Variants in CNNM2 observed in about 807,000 individuals in gnomAD.
CNNM2 encodes the protein cyclin and CBS domain divalent metal cation transport mediator 2.
In CNNM2, 12 loss-of-function variants were observed where a neutral mutation model predicts 66.9. The ratio of observed to expected loss-of-function variants is 0.18; its 90% confidence interval spans 0.11 to 0.29. The LOEUF is 0.29. Ranked by LOEUF, CNNM2 falls within the 10% of genes least tolerant of loss-of-function variation. The probability of loss-of-function intolerance (pLI) is 1.00; values close to 1 mark genes in which losing one functional copy is unlikely to be tolerated. For missense variants in CNNM2, 705 were observed against 1,167.7 expected, an observed-to-expected ratio of 0.60 and a Z score of 5.77; for synonymous variants, 557 against 501.8, an observed-to-expected ratio of 1.11 and a Z score of -1.47.
chr10:103,039,283 T>C (rs1209177988), intron 1 of CNNM2, among the ~76,000 whole-genome samples: 1 of 151,928 alleles, frequency 6.6e-6, no homozygotes, highest in African/African-American at 2.4e-5. Flanking sequence ...ACTACAGGAG[T>C]GCACCACCAT....
intron 1 of CNNM2, among the ~76,000 whole-genome samples, chr10:102,952,208 T>C (rs962221217): frequency 2.0e-5 from 3 of 152,070 alleles, no homozygotes; most frequent in Non-Finnish European, 4.4e-5. Flanking sequence ...CCCAAAGGGC[T>C]GGGATTATAG....
At chr10:102,978,760 A>C (rs2063676715) in intron 1 of CNNM2, among the ~76,000 whole-genome samples, 1 of 152,048 alleles carries the variant, frequency 6.6e-6, no homozygotes, top group South Asian at 2.1e-4. Flanking sequence ...GTGACCAGCA[A>C]CTCATGCTGC....
At chr10:103,037,156 T>G (rs920202662) in intron 1 of CNNM2, among the ~76,000 whole-genome samples, 1 of 151,794 alleles carries the variant, frequency 6.6e-6, no homozygotes, top group African/African-American at 2.4e-5. Flanking sequence ...TTTCAAATAA[T>G]ATGAATAATC....
intron 4 of CNNM2, among the ~76,000 whole-genome samples, chr10:103,066,789 C>G (rs1435395632): frequency 1.3e-5 from 2 of 152,186 alleles, no homozygotes; most frequent in Non-Finnish European, 2.9e-5. Flanking sequence ...CTCGCCTGTC[C>G]CTGCTGCATG....
At chr10:103,066,936 T>C (rs2065488401) in intron 4 of CNNM2, among the ~76,000 whole-genome samples, 1 of 152,136 alleles carries the variant, frequency 6.6e-6, no homozygotes, top group Admixed American at 6.5e-5. Flanking sequence ...TGTAAGTTTA[T>C]ACGGCAAGAT....
At chr10:102,949,549 C>T (rs1054426742) in intron 1 of CNNM2, among the ~76,000 whole-genome samples, 7 of 151,724 alleles carry the variant, frequency 4.6e-5, no homozygotes, top group Admixed American at 6.6e-5. Context: ...TTTGGGAGGC[C>T]GAGACAGGCA....
At chr10:103,020,902 G>A (rs1377748084) in intron 1 of CNNM2, among the ~76,000 whole-genome samples, 2 of 152,186 alleles carry the variant, frequency 1.3e-5, no homozygotes, top group African/African-American at 4.8e-5. Flanking sequence ...GAGAGGGGAT[G>A]TTTGGAAGTG....
In CNNM2 at chr10:102,992,357, C is replaced by T. The variant is rs148797624; in HGVS notation, c.1622-57350C>T. On this transcript the variant is annotated intron_variant, in intron 1 of 7. Coordinates refer to ENST00000369878, the MANE Select transcript of CNNM2 (RefSeq NM_017649.5). The stretch of plus-strand genomic sequence containing the variant: ...GTGTGATCTTGGCTCACTGCAACCT[C>T]TGCCTCCTGGGTTCAAGTGATTCTC... Among the ~76,000 whole-genome samples, 424 of 147,578 alleles carry T rather than the reference C, an allele frequency of 2.9e-3. 1 individual carries two copies. Among genetic ancestry groups the T allele is most frequent in the African/African-American group, 0.01 (407 of 40,388 alleles).
rs1193967163 is a variant in CNNM2, at chr10:103,088,308, G to A, written c.*11128G>A. 6.6e-6 allele frequency: 1 copy of A among 152,226 alleles called. No individual in the cohort carries two copies. The highest frequency in any genetic ancestry group is 1.5e-5 in the Non-Finnish European group (1 of 68,038). 9.4% of individuals were successfully genotyped at this position (152,226 alleles called of 1,614,324 possible). ...TTGAAACAACTTTCACTGTACTGGT[G>A]AAACAGTTTTAATACCCTAACATAC... On this transcript the variant is annotated 3_prime_UTR_variant, in exon 8 of 8. Coordinates refer to ENST00000369878, the MANE Select transcript of CNNM2 (RefSeq NM_017649.5).
chr10:103,055,838 T>C (rs2065285835), intron 3 of CNNM2, among the ~76,000 whole-genome samples: 1 of 152,228 alleles, frequency 6.6e-6, no homozygotes, highest in Admixed American at 6.5e-5. Flanking sequence ...TGGTGGCTCA[T>C]TGCCTGTAAT....
Position 102,992,273 on chromosome 10 carries a change from C to CTTTTTTTTTTTTT in CNNM2, c.1622-57428_1622-57416dup, listed in dbSNP as rs35281835. Reference sequence around the variant, plus strand: ...TTTACTGGGAGCAAGCTCCAAGTTCCTTTTTTTTTTTTTTTTTTGAGATGC... The same window carrying CTTTTTTTTTTTTT: ...TTTACTGGGAGCAAGCTCCAAGTTCCTTTTTTTTTTTTTTTTTTTTTTTTTTTTTTTGAGATGC... On this transcript the variant is annotated intron_variant, in intron 1 of 7. Coordinates refer to ENST00000369878, the MANE Select transcript of CNNM2 (RefSeq NM_017649.5). 0.028 allele frequency among the ~76,000 whole-genome samples: 3,042 copies of CTTTTTTTTTTTTT among 107,880 alleles called. 216 individuals carry two copies. The highest frequency in any genetic ancestry group is 0.06 in the East Asian group (193 of 3,196). The allele number at this position is 107,880 out of a possible 152,430, so 70.8% of individuals were successfully genotyped here.
chr10:103,002,771 G>A (rs541589760), intron 1 of CNNM2, among the ~76,000 whole-genome samples: 7 of 152,108 alleles, frequency 4.6e-5, no homozygotes, highest in South Asian at 2.1e-4. Flanking sequence ...GAGCCACTGC[G>A]CCTGGCTGGT....
At chr10:103,012,093 A>G (rs1329064365) in intron 1 of CNNM2, among the ~76,000 whole-genome samples, 1 of 152,190 alleles carries the variant, frequency 6.6e-6, no homozygotes, top group Non-Finnish European at 1.5e-5. Context: ...TTATTCTTGT[A>G]TATCCTTCCA....
chr10:102,973,632 C>T (rs1013405065), intron 1 of CNNM2, among the ~76,000 whole-genome samples: 5 of 151,904 alleles, frequency 3.3e-5, no homozygotes, highest in Admixed American at 3.3e-4. Flanking sequence ...ACTGGGATTA[C>T]AGGCATGAGC....
rs931196726 is a variant in CNNM2 at position 103,000,262 on chromosome 10, T to C, written c.1622-49445T>C. ...AAAAACAAATAAATAAATAAATAAA[T>C]AAATAAATAAATAAATAAATAAAAT... On this transcript the variant is annotated intron_variant, in intron 1 of 7. Transcript: ENST00000369878. 6.6e-5 allele frequency among the ~76,000 whole-genome samples: 10 copies of C among 150,552 alleles called. No homozygotes were observed. Among genetic ancestry groups the C allele is most frequent in the African/African-American group, 9.7e-5 (4 of 41,034 alleles).
At chr10:103,059,643 T>G (rs1166287870) in intron 4 of CNNM2, among the ~76,000 whole-genome samples, 3 of 152,286 alleles carry the variant, frequency 2.0e-5, no homozygotes, top group Admixed American at 6.5e-5. Flanking sequence ...GGAAAAAACT[T>G]TATTGGCTCT....
chr10:102,918,550 A>T lies in CNNM2; in HGVS notation c.70A>T (p.Thr24Ser). The T allele has an allele frequency of 1.3e-6, 2 of 1,596,864 alleles. No homozygotes were observed. The highest frequency in any genetic ancestry group is 1.7e-6 in the Non-Finnish European group (2 of 1,174,658). Residue 24 changes from threonine (T) to serine (S), a missense_variant, in exon 1 of 8, where the codon ACT becomes TCT. This residue lies in a region of CNNM2 where 98 missense variants were observed against 73.6 expected (regional missense o/e 1.33). Transcript: ENST00000369878. The surrounding 1 kb of genome is among the most constrained non-coding windows in gnomAD (Gnocchi z 4.1). ...CGGGCAGGCAGCCGCCGCACTGCCC[A>T]CTTGGAAGATGGCGGCGCGCCGCAG... is the stretch of plus-strand genomic sequence containing the variant. Reference protein sequence around the residue: ...AGGQAAAALPTWKMAARRSLS... With the variant: ...AGGQAAAALPSWKMAARRSLS...
At chr10:103,032,386 G>A (rs538648145) in intron 1 of CNNM2, among the ~76,000 whole-genome samples, 39 of 152,176 alleles carry the variant, frequency 2.6e-4, no homozygotes, top group African/African-American at 8.9e-4. Flanking sequence ...GGGAGATGGA[G>A]GTTGCAGCGA....
chr10:102,955,143 G>A (rs185008446), intron 1 of CNNM2, among the ~76,000 whole-genome samples: 1 of 152,332 alleles, frequency 6.6e-6, no homozygotes, highest in East Asian at 1.9e-4. Flanking sequence ...CAAGGCTACA[G>A]TAACCAAAAC....
Sources: allele counts gnomAD v4.1 joint callset (sites outside exome capture counted in the v4.1 genomes callset), GRCh38; gene constraint gnomAD v4.1.1; regional missense constraint gnomAD v4.1.1; non-coding constraint Gnocchi (gnomAD v3.1); transcripts MANE v1.5; gene names NCBI Gene and HGNC (gene_info 2026-07-23, HGNC 2026-07-21).